Variants in ZNF69 observed in about 807,000 individuals in gnomAD.
ZNF69 encodes zinc finger protein 69.
Under a neutral mutation model 50.9 loss-of-function variants are expected in ZNF69, and 47 were observed. The ratio of observed to expected loss-of-function variants is 0.92; its 90% confidence interval spans 0.73 to 1.18. The LOEUF is 1.18. Ranked by LOEUF, ZNF69 falls within the 50% of genes most tolerant of loss-of-function variation. ZNF69 has a pLI of 0.00. For synonymous variants in ZNF69, 216 were observed against 223.1 expected, an observed-to-expected ratio of 0.97 and a Z score of 0.29; for missense variants, 717 against 675.1, an observed-to-expected ratio of 1.06 and a Z score of -0.69.
At chr19:11,949,938 T>G in the ZNF69 span, 2 of 1,614,040 alleles carry the variant, frequency 1.2e-6, no homozygotes, top group African/African-American at 2.7e-5. Flanking sequence ...TTCAGATGCA[T>G]GAAAGGACTC....
chr19:11,892,086 A>C lies in ZNF69; in HGVS notation c.63+4100A>C, dbSNP rs556221344. Among the ~76,000 whole-genome samples the C allele has an allele frequency of 1.6e-3, 237 of 150,944 alleles. 1 individual carries two copies. Among genetic ancestry groups the C allele is most frequent in the Admixed American group, 3.6e-3 (55 of 15,176 alleles). ...TTGACCTCCCTGGCTCAAGCACCTC[A>C]GCCTCCCAAGTAGCTGAGACTACAG... On this transcript the variant is annotated intron_variant, in intron 1 of 3. Coordinates refer to ENST00000429654, the MANE Select transcript of ZNF69 (RefSeq NM_001364730.1).
In ZNF69 at chr19:11,904,807, G is replaced by C; in HGVS notation, c.410G>C (p.Gly137Ala). 5.0e-6 allele frequency: 8 copies of C among 1,614,000 alleles called. No individual in the cohort carries two copies. The highest frequency in any genetic ancestry group is 6.8e-6 in the Non-Finnish European group (8 of 1,179,964). ...DSFVCGEVGLGNSSFNMNIRG... is the reference protein window; with the variant it reads ...DSFVCGEVGLANSSFNMNIRG... ...TTTGTGTGTGGAGAAGTTGGCCTAG[G>C]TAACTCATCTTTTAATATGAACATC... Residue 137 changes from glycine to alanine, a missense_variant, in exon 4 of 4, where the codon GGT becomes GCT. By Grantham distance (60) the Gly-to-Ala change is moderately conservative. Transcript: ENST00000429654.
chr19:11,922,566 GC>G, the ZNF69 span, among the ~76,000 whole-genome samples: 1 of 152,168 alleles, frequency 6.6e-6, no homozygotes, highest in African/African-American at 2.4e-5. Flanking sequence ...TGAAGGTTCT[GC>G]AGCTTGGTTT....
chr19:11,965,115 C>T, the ZNF69 span: 1 of 1,546,424 alleles, frequency 6.5e-7, no homozygotes, highest in Non-Finnish European at 8.9e-7. Flanking sequence ...CCTGGTACCT[C>T]TACCCAGGTT....
the ZNF69 span, among the ~76,000 whole-genome samples, chr19:11,976,027 A>T: frequency 6.8e-6 from 1 of 147,238 alleles, no homozygotes; most frequent in Admixed American, 6.9e-5. Context: ...GTTTCTTTCT[A>T]CTTAGGTGTC....
the ZNF69 span, among the ~76,000 whole-genome samples, chr19:11,974,412 G>A: frequency 1.3e-5 from 2 of 151,290 alleles, no homozygotes; most frequent in Non-Finnish European, 2.9e-5. Flanking sequence ...GGCCGGGGTG[G>A]TCTCAAATTT....
At chr19:11,972,136 ATACCTGG>A in the ZNF69 span, among the ~76,000 whole-genome samples, 1 of 151,954 alleles carries the variant, frequency 6.6e-6, no homozygotes, top group Admixed American at 6.6e-5. Context: ...ATACAAAAAC[ATACCTGG>A]TCATGGTGAT....
the ZNF69 span, chr19:11,949,570 G>T: frequency 6.2e-7 from 1 of 1,612,084 alleles, no homozygotes; most frequent in South Asian, 1.1e-5. Context: ...ATGTGAGAAA[G>T]GCTTTTATTC....
Position 11,903,893 on chromosome 19 carries a change from T to C in ZNF69, c.191-12T>C. On this transcript the variant is annotated splice_polypyrimidine_tract_variant and intron_variant, in intron 2 of 3. Coordinates refer to ENST00000429654, the MANE Select transcript of ZNF69 (RefSeq NM_001364730.1). Reference sequence around the variant, plus strand: ...ACTGCCTCAGGACTATTTTTCTGTGTCTATATTTTAGGAAAAAGTTGGAAA... The same window carrying C: ...ACTGCCTCAGGACTATTTTTCTGTGCCTATATTTTAGGAAAAAGTTGGAAA... The C allele has an allele frequency of 6.2e-7, 1 of 1,613,158 alleles. No individual in the cohort carries two copies. The highest frequency in any genetic ancestry group is 8.5e-7 in the Non-Finnish European group (1 of 1,179,726).
At chr19:11,906,769 TCTC>T (rs1972382814), downstream of ZNF69, among the ~76,000 whole-genome samples, 1 of 152,134 alleles carries the variant, frequency 6.6e-6, no homozygotes, top group African/African-American at 2.4e-5. Flanking sequence ...GAGCGCCTCT[TCTC>T]CTCCAAAGGA....
chr19:11,916,250 TA>T (rs1972520875), downstream of ZNF69, among the ~76,000 whole-genome samples: 1 of 152,122 alleles, frequency 6.6e-6, no homozygotes, highest in Non-Finnish European at 1.5e-5. Context: ...AAATATTAAA[TA>T]AATATCTTAA....
chr19:11,953,712 A>G, the ZNF69 span, among the ~76,000 whole-genome samples: 1 of 152,216 alleles, frequency 6.6e-6, no homozygotes, highest in East Asian at 1.9e-4. Context: ...AAGGTGGGGA[A>G]ACATTGAGTG....
At chr19:11,970,437 T>C in the ZNF69 span, among the ~76,000 whole-genome samples, 2 of 152,162 alleles carry the variant, frequency 1.3e-5, no homozygotes, top group Non-Finnish European at 2.9e-5. Context: ...GTTAAATCCA[T>C]AAAGAAAATG....
the ZNF69 span, among the ~76,000 whole-genome samples, chr19:11,974,113 C>CT: frequency 0.013 from 866 of 65,694 alleles, 5 homozygotes; most frequent in Middle Eastern, 0.029. Context: ...TTCTTTCTTT[C>CT]TTTCTTTCTT....
chr19:11,888,042 G>A (rs995002629), intron 1 of ZNF69, 56 bp downstream of exon 1: 1 of 1,559,076 alleles, frequency 6.4e-7, no homozygotes, highest in South Asian at 1.1e-5. Flanking sequence ...TGGACCGACC[G>A]GAACCGACTG....
chr19:11,941,183 C>T, the ZNF69 span, among the ~76,000 whole-genome samples: 12 of 152,348 alleles, frequency 7.9e-5, no homozygotes, highest in South Asian at 2.5e-3. Flanking sequence ...CTGGGCTAGA[C>T]ATAAAGTTTC....
chr19:11,945,948 G>A, the ZNF69 span, among the ~76,000 whole-genome samples: 8 of 152,090 alleles, frequency 5.3e-5, no homozygotes, highest in Admixed American at 6.6e-5. Context: ...GTGTGGCTTC[G>A]ATTATATCAA....
At chr19:11,949,601 A>T in the ZNF69 span, 6 of 1,613,306 alleles carry the variant, frequency 3.7e-6, no homozygotes, top group Non-Finnish European at 5.1e-6. Context: ...TTTCAAACAC[A>T]TGAAAAAACT....
chr19:11,904,960 G>T lies in ZNF69; in HGVS notation c.563G>T (p.Gly188Val). The T allele has an allele frequency of 6.2e-7, 1 of 1,614,178 alleles. No homozygotes were observed. Among genetic ancestry groups the T allele is most frequent in the Non-Finnish European group, 8.5e-7 (1 of 1,180,032 alleles). Residue 188 changes from glycine to valine, a missense_variant, in exon 4 of 4, where the codon GGA (glycine) becomes GTA (valine). By Grantham distance (109) the Gly-to-Val change is moderately radical. Coordinates refer to ENST00000429654, the MANE Select transcript of ZNF69 (RefSeq NM_001364730.1). ...SFRTPQRDHT[G>V]EKPYACKECG... ...AGAACACCACAAAGGGATCACACTG[G>T]AGAGAAACCCTATGCTTGTAAAGAA...
Sources: gnomAD v4.1 joint callset for allele counts (sites outside exome capture counted in the v4.1 genomes callset) on GRCh38, gnomAD v4.1.1 for gene constraint, MANE v1.5 for transcripts, NCBI Gene and HGNC (gene_info 2026-07-23, HGNC 2026-07-21) for gene names.